The following TRIQK variants were observed in gnomAD, a reference collection of about 807,000 sequenced individuals.
The protein encoded by TRIQK is triple QxxK/R motif-containing protein.
Under a neutral mutation model 10.8 loss-of-function variants are expected in TRIQK, and 10 were observed. The ratio of observed to expected loss-of-function variants is 0.92; its 90% confidence interval spans 0.57 to 1.57. The LOEUF (loss-of-function observed/expected upper bound fraction) is 1.57. Ranked by LOEUF, TRIQK falls within the 40% of genes most tolerant of loss-of-function variation. The pLI is 0.00. For synonymous variants in TRIQK, 33 were observed against 33.7 expected (o/e 0.98, Z 0.07); for missense variants, 107 against 97.7 (o/e 1.09, Z -0.40).
chr8:92,947,759 A>C (rs1245146513), intron 2 of TRIQK, among the ~76,000 whole-genome samples: 1 of 152,116 alleles, frequency 6.6e-6, no homozygotes, highest in East Asian at 1.9e-4. Context: ...AAATATTCAC[A>C]AGAAAGCATT....
At chr8:92,943,744 A>G (rs1408502445) in intron 2 of TRIQK, among the ~76,000 whole-genome samples, 1 of 152,172 alleles carries the variant, frequency 6.6e-6, no homozygotes, top group Non-Finnish European at 1.5e-5. Flanking sequence ...AGGAGAAAAC[A>G]GGGAAAACAC....
chr8:92,897,468 C>T (rs1337783519), intron 3 of TRIQK, among the ~76,000 whole-genome samples: 3 of 152,090 alleles, frequency 2.0e-5, no homozygotes, highest in Admixed American at 1.3e-4. Flanking sequence ...AAGGGCTCTG[C>T]CCTCATGAAT....
chr8:92,943,362 C>T (rs769251787), intron 2 of TRIQK, among the ~76,000 whole-genome samples: 2 of 152,088 alleles, frequency 1.3e-5, no homozygotes, highest in Non-Finnish European at 2.9e-5. Flanking sequence ...CCCTGAATAG[C>T]CAAAGCAATT....
chr8:92,977,884 T>G (rs538403511), intron 1 of TRIQK, among the ~76,000 whole-genome samples: 1 of 152,286 alleles, frequency 6.6e-6, no homozygotes, highest in African/African-American at 2.4e-5. Context: ...ATTTAGTCTC[T>G]GAATTTTGTC....
chr8:92,926,772 C>T (rs1381283439), intron 2 of TRIQK, among the ~76,000 whole-genome samples: 1 of 152,114 alleles, frequency 6.6e-6, no homozygotes, highest in Non-Finnish European at 1.5e-5. Context: ...GCTCTGTTTT[C>T]ACTATGAAGT....
At chr8:92,998,683 G>C (rs1402164921) in intron 1 of TRIQK, among the ~76,000 whole-genome samples, 1 of 151,890 alleles carries the variant, frequency 6.6e-6, no homozygotes, top group African/African-American at 2.4e-5. Flanking sequence ...AATTTCATTA[G>C]TTTTTATTCA....
At chr8:92,995,917 A>G (rs1323802671) in intron 1 of TRIQK, among the ~76,000 whole-genome samples, 1 of 152,016 alleles carries the variant, frequency 6.6e-6, no homozygotes, top group Non-Finnish European at 1.5e-5. Flanking sequence ...CGGGATAGTC[A>G]TGTGACGGGA....
intron 3 of TRIQK, among the ~76,000 whole-genome samples, chr8:92,912,090 T>C (rs1166344646): frequency 6.6e-6 from 1 of 151,310 alleles, no homozygotes. Flanking sequence ...AACAAATGTA[T>C]ACAGAACATT....
At chr8:92,917,536 CATTT>C (rs1024736309) in intron 2 of TRIQK, among the ~76,000 whole-genome samples, 2 of 151,972 alleles carry the variant, frequency 1.3e-5, no homozygotes, top group Non-Finnish European at 1.5e-5. Context: ...AAACTACTAC[CATTT>C]ATTAATATTT....
At chr8:92,957,282 G>A (rs903185688) in intron 1 of TRIQK, among the ~76,000 whole-genome samples, 4 of 151,426 alleles carry the variant, frequency 2.6e-5, no homozygotes, top group African/African-American at 9.7e-5. Flanking sequence ...ACATATGCAT[G>A]TATGTATACA....
At chr8:93,005,062 C>A in intron 1 of TRIQK, among the ~76,000 whole-genome samples, 1 of 140,786 alleles carries the variant, frequency 7.1e-6, no homozygotes, top group African/African-American at 3.0e-5. Context: ...ATCTTTATAG[C>A]AATGCCTGAA....
rs531049549 is a variant in TRIQK at position 92,886,398 on chromosome 8, A to G, written c.*224T>C. 2.3e-5 allele frequency: 7 copies of G among 298,286 alleles called. No homozygotes were observed. The highest frequency in any genetic ancestry group is 4.9e-5 in the Admixed American group (1 of 20,378). 18.5% of individuals were successfully genotyped at this position (298,286 alleles called of 1,614,324 possible). A position where few individuals can be genotyped will look rare whatever the true frequency, so the allele number is the denominator to read the frequency against. ...ATGTACCATGTATAGGGTGGCTGTC[A>G]AAGCAGAAAGATATATAAAAGTATC... On this transcript the variant is annotated 3_prime_UTR_variant, in exon 5 of 5. Coordinates refer to ENST00000521988, the MANE Select transcript of TRIQK (RefSeq NM_001171797.2).
At chr8:92,917,624 C>T (rs1411390077) in intron 2 of TRIQK, among the ~76,000 whole-genome samples, 1 of 151,838 alleles carries the variant, frequency 6.6e-6, no homozygotes, top group Non-Finnish European at 1.5e-5. Flanking sequence ...GTTGTACCTA[C>T]TTTGGGTGGA....
intron 3 of TRIQK, among the ~76,000 whole-genome samples, chr8:92,905,554 G>A (rs1820397): frequency 0.73 from 110,889 of 151,974 alleles, 40,715 homozygotes; most frequent in Middle Eastern, 0.82. Context: ...AACTTGGATG[G>A]CGGATCCATG....
At chr8:92,988,312 A>G (rs1467751521) in intron 1 of TRIQK, among the ~76,000 whole-genome samples, 1 of 152,006 alleles carries the variant, frequency 6.6e-6, no homozygotes, top group Non-Finnish European at 1.5e-5. Context: ...CACTGCACCC[A>G]GCCTATACTT....
chr8:93,001,452 G>T (rs1813210500), intron 1 of TRIQK, among the ~76,000 whole-genome samples: 1 of 152,062 alleles, frequency 6.6e-6, no homozygotes, highest in African/African-American at 2.4e-5. Context: ...GATATTCGAT[G>T]CAAATAGAAA....
chr8:93,015,014 A>C (rs1160821036), intron 1 of TRIQK, among the ~76,000 whole-genome samples: 1 of 152,044 alleles, frequency 6.6e-6, no homozygotes, highest in African/African-American at 2.4e-5. Flanking sequence ...AGAGTGAGCT[A>C]TTTTATTCAA....
intron 1 of TRIQK, chr8:92,964,826 A>G (rs1325592990): frequency 1.3e-5 from 2 of 152,198 alleles, no homozygotes; most frequent in Non-Finnish European, 2.9e-5. Context: ...TCCAATTTAC[A>G]GATAACGAAA....
chr8:92,982,682 G>A (rs561715363), intron 1 of TRIQK, among the ~76,000 whole-genome samples: 2 of 152,116 alleles, frequency 1.3e-5, no homozygotes, highest in South Asian at 4.1e-4. Flanking sequence ...TGTTCCCATA[G>A]AATCAGATGC....
Sources: gnomAD v4.1 joint callset for allele counts (sites outside exome capture counted in the v4.1 genomes callset) on GRCh38, gnomAD v4.1.1 for gene constraint, MANE v1.5 for transcripts, NCBI Gene and HGNC (gene_info 2026-07-23, HGNC 2026-07-21) for gene names.